CDH9: variants seen among roughly 807,000 people sequenced by gnomAD.
CDH9 encodes the protein cadherin 9, also known as cadherin-9.
CDH9 carries 28 observed loss-of-function variants against 70.9 expected under a neutral mutation model. The observed-to-expected ratio is 0.40, with a 90% CI of 0.29 to 0.54. The LOEUF is 0.54. Ranked by LOEUF, CDH9 falls within the 20% of genes least tolerant of loss-of-function variation. CDH9 has a pLI of 0.59. For missense variants in CDH9, 874 were observed against 984.4 expected, an observed-to-expected ratio of 0.89 and a Z score of 1.50; for synonymous variants, 409 against 343.1, an observed-to-expected ratio of 1.19 and a Z score of -2.12.
intron 7 of CDH9, among the ~76,000 whole-genome samples, chr5:26,894,056 C>A (rs940721446): frequency 6.6e-6 from 1 of 151,986 alleles, no homozygotes; most frequent in Non-Finnish European, 1.5e-5. Flanking sequence ...TAAAAACAAA[C>A]CTAAAACGTA....
At chr5:26,966,923 T>G (rs1014570164) in intron 2 of CDH9, among the ~76,000 whole-genome samples, 2 of 152,042 alleles carry the variant, frequency 1.3e-5, no homozygotes, top group African/African-American at 4.8e-5. Context: ...AAAATGTTTT[T>G]AAGTGTATTT....
intron 2 of CDH9, among the ~76,000 whole-genome samples, chr5:26,933,862 C>T (rs1050620629): frequency 1.3e-5 from 2 of 151,860 alleles, no homozygotes; most frequent in Non-Finnish European, 2.9e-5. Flanking sequence ...TTAGATATCA[C>T]GACTAATCCC....
intron 2 of CDH9, among the ~76,000 whole-genome samples, chr5:26,962,248 C>T (rs11749236): frequency 0.7 from 106,556 of 151,944 alleles, 40,730 homozygotes; most frequent in East Asian, 0.99. Flanking sequence ...CTGTTGGTTC[C>T]GTCTTTGCTG....
intron 1 of CDH9, among the ~76,000 whole-genome samples, chr5:26,999,391 G>A (rs1359153070): frequency 6.6e-6 from 1 of 152,122 alleles, no homozygotes; most frequent in African/African-American, 2.4e-5. Context: ...ATTCAATAGA[G>A]ATAGTGGCAG....
chr5:26,975,261 C>T (rs980833248), intron 2 of CDH9, among the ~76,000 whole-genome samples: 17 of 152,094 alleles, frequency 1.1e-4, no homozygotes, highest in Non-Finnish European at 1.5e-4. Context: ...ATTTACATAC[C>T]GCCAAAGCAG....
chr5:26,890,024 T>A, intron 8 of CDH9, 67 bp from the exon 9 acceptor site: 1 of 1,465,788 alleles, frequency 6.8e-7, no homozygotes, highest in Non-Finnish European at 9.4e-7. Flanking sequence ...ACTCACCCAT[T>A]TGTAGCTTAG....
intron 2 of CDH9, among the ~76,000 whole-genome samples, chr5:26,978,177 A>AT (rs1742336407): frequency 8.8e-6 from 1 of 113,736 alleles, no homozygotes; most frequent in African/African-American, 3.4e-5. Context: ...CTAACACATA[A>AT]TAAAAAAAAG....
At chr5:26,974,649 T>G (rs150743935) in intron 2 of CDH9, among the ~76,000 whole-genome samples, 3 of 151,970 alleles carry the variant, frequency 2.0e-5, no homozygotes. Flanking sequence ...GTGACATGAG[T>G]GTTAATTTAT....
chr5:26,895,871 C>A (rs1436965584), intron 7 of CDH9, among the ~76,000 whole-genome samples: 2 of 151,960 alleles, frequency 1.3e-5, no homozygotes, highest in African/African-American at 4.8e-5. Context: ...TCGTAGCAAA[C>A]AAAACAGTCC....
intron 2 of CDH9, among the ~76,000 whole-genome samples, chr5:26,973,654 T>G (rs968041547): frequency 6.6e-6 from 1 of 152,180 alleles, no homozygotes; most frequent in Non-Finnish European, 1.5e-5. Flanking sequence ...TGTCTCGCTC[T>G]CTGCCCTGAT....
At position 26,988,366 on chromosome 5, in the gene CDH9, T is replaced by G. The variant is rs1554002411; in HGVS notation, c.-33A>C. 1 of 1,597,238 alleles carries G rather than the reference T, an allele frequency of 6.3e-7. No individual in the cohort carries two copies. Among genetic ancestry groups the G allele is most frequent in the Admixed American group, 1.7e-5 (1 of 59,274 alleles). On this transcript the variant is annotated 5_prime_UTR_variant, in exon 2 of 12. Transcript: ENST00000231021. ...AACTTCAGTGGGTTGTCAAATTCAA[T>G]GTATTGTTTGTTTTTCCTAAAGAGT...
chr5:26,905,437 C>T (rs988820266), intron 5 of CDH9, among the ~76,000 whole-genome samples: 3 of 151,998 alleles, frequency 2.0e-5, no homozygotes, highest in Non-Finnish European at 4.4e-5. Context: ...AAAAATGATG[C>T]TAAATAAGCC....
At position 26,892,586 on chromosome 5, in the gene CDH9, T is replaced by C. The variant is rs929068322; in HGVS notation, c.1254-2022A>G. On this transcript the variant is annotated intron_variant, in intron 7 of 11. Coordinates refer to ENST00000231021, the MANE Select transcript of CDH9 (RefSeq NM_016279.4). ...AGGCATCTTATTATGAACTCCCTTT[T>C]GATCAAGTGAATTGGGAAATTACAG... 1.6e-4 allele frequency among the ~76,000 whole-genome samples: 24 copies of C among 152,212 alleles called. 1 individual carries two copies. The highest frequency in any genetic ancestry group is 7.3e-5 in the Non-Finnish European group (5 of 68,030).
At chr5:27,019,333 ATG>A (rs1307710511) in intron 1 of CDH9, among the ~76,000 whole-genome samples, 1 of 151,978 alleles carries the variant, frequency 6.6e-6, no homozygotes, top group Non-Finnish European at 1.5e-5. Context: ...ACATTTTTGG[ATG>A]TTTTTTAAAA....
Position 26,885,797 on chromosome 5 carries a change from G to T in CDH9, c.1699C>A (p.Pro567Thr), listed in dbSNP as rs770537311. 1.2e-6 allele frequency: 2 copies of T among 1,613,766 alleles called. No homozygotes were observed. Among genetic ancestry groups the T allele is most frequent in the Non-Finnish European group, 1.7e-6 (2 of 1,179,804 alleles). Reference protein sequence around the residue: ...SRNKMSTYLLPILIFDNDYPI... With the variant: ...SRNKMSTYLLTILIFDNDYPI... ...TAATCGTTGTCAAAGATTAAAATCG[G>T]CAATAAGTAGGTGCTCATTTTGTTG... is the stretch of plus-strand genomic sequence containing the variant. The change falls in exon 11 of 12, where the codon CCG becomes ACG. Residue 567 changes from proline (P) to threonine (T), a missense_variant. Physicochemically the swap from Pro to Thr is conservative, Grantham distance 38. Coordinates refer to ENST00000231021, the MANE Select transcript of CDH9 (RefSeq NM_016279.4).
intron 3 of CDH9, among the ~76,000 whole-genome samples, chr5:26,911,720 T>A (rs1473129481): frequency 2.6e-5 from 4 of 152,172 alleles, no homozygotes; most frequent in Non-Finnish European, 1.5e-5. Flanking sequence ...AACATTGTAA[T>A]CAAAGTGTAT....
intron 3 of CDH9, among the ~76,000 whole-genome samples, chr5:26,910,224 C>CATCTATCTATCTATCTATCT (rs61512455): frequency 2.1e-4 from 31 of 149,218 alleles, no homozygotes; most frequent in Admixed American, 1.2e-3. Context: ...ATCTATCATC[C>CATCTATCTATCTATCTATCT]ATCTATCTAT....
intron 2 of CDH9, among the ~76,000 whole-genome samples, chr5:26,921,623 G>A (rs535764499): frequency 5.4e-4 from 82 of 152,304 alleles, no homozygotes; most frequent in African/African-American, 1.9e-3. Context: ...TCTCGGGGCT[G>A]TTGCTGATTC....
chr5:26,971,475 T>G (rs940919594), intron 2 of CDH9, among the ~76,000 whole-genome samples: 3 of 152,188 alleles, frequency 2.0e-5, no homozygotes, highest in Non-Finnish European at 4.4e-5. Flanking sequence ...ATGTATAAAA[T>G]TCACTAAATA....
Sources: allele counts gnomAD v4.1 joint callset (sites outside exome capture counted in the v4.1 genomes callset), GRCh38; gene constraint gnomAD v4.1.1; transcripts MANE v1.5; gene names NCBI Gene and HGNC (gene_info 2026-07-23, HGNC 2026-07-21).